DGKB: variants seen among roughly 807,000 people sequenced by gnomAD.
DGKB encodes the protein 90 kDa diacylglycerol kinase.
In DGKB, 67 loss-of-function variants were observed where a neutral mutation model predicts 114.3. The ratio of observed to expected loss-of-function variants is 0.59; its 90% CI spans 0.48 to 0.72. The LOEUF is 0.72. Among genes scored for constraint, DGKB ranks in the 30% least tolerant of loss-of-function variants. The probability of loss-of-function intolerance (pLI) is 0.00; values close to 1 mark genes in which losing one functional copy is unlikely to be tolerated. For missense variants in DGKB, 907 were observed against 975.2 expected, an observed-to-expected ratio of 0.93 and a Z score of 0.93; for synonymous variants, 398 against 323.1, an observed-to-expected ratio of 1.23 and a Z score of -2.49.
At chr7:14,255,740 T>C (rs1795872689) in intron 23 of DGKB, among the ~76,000 whole-genome samples, 1 of 63,196 alleles carries the variant, frequency 1.6e-5, no homozygotes, top group Non-Finnish European at 4.2e-5. Flanking sequence ...TTCTCATCTC[T>C]TTTTTTTTTT....
At position 14,709,431 on chromosome 7, in the gene DGKB, G is replaced by A. The variant is rs1211652726; in HGVS notation, c.467-7701C>T. On this transcript the variant is annotated intron_variant, in intron 6 of 25. Coordinates refer to ENST00000402815, the MANE Select transcript of DGKB (RefSeq NM_001350709.2). ...GGCGATTCCTCAGGGATCTAGAACT[G>A]GAAATACCATTTGACCCAGCCATCC... Among the ~76,000 whole-genome samples, 44 of 121,692 alleles carry A rather than the reference G, an allele frequency of 3.6e-4. No individual in the cohort carries two copies. The East Asian group carries it at 0.016, about 46-fold the overall frequency. 79.8% of individuals were successfully genotyped at this position (121,692 alleles called of 152,430 possible).
intron 25 of DGKB, among the ~76,000 whole-genome samples, chr7:14,150,715 T>C (rs1782063287): frequency 6.6e-6 from 1 of 152,066 alleles, no homozygotes; most frequent in African/African-American, 2.4e-5. Context: ...AGAATGCACT[T>C]AACTATGTAG....
At chr7:14,481,824 G>A (rs980367773) in intron 20 of DGKB, among the ~76,000 whole-genome samples, 13 of 151,766 alleles carry the variant, frequency 8.6e-5, no homozygotes, top group African/African-American at 3.1e-4. Flanking sequence ...GCTGGTTTTC[G>A]GTGCTGTATT....
At chr7:14,244,693 A>AG (rs1562724992) in intron 23 of DGKB, among the ~76,000 whole-genome samples, 26 of 138,230 alleles carry the variant, frequency 1.9e-4, no homozygotes, top group African/African-American at 5.6e-4. Flanking sequence ...AAAAAAAAAA[A>AG]GGGGTGCCTT....
chr7:14,264,223 C>A (rs1023108242), intron 23 of DGKB, among the ~76,000 whole-genome samples: 1 of 152,116 alleles, frequency 6.6e-6, no homozygotes, highest in African/African-American at 2.4e-5. Context: ...ATGACATATC[C>A]AGGTGAAGCA....
At chr7:14,193,999 G>A (rs931295874) in intron 23 of DGKB, among the ~76,000 whole-genome samples, 1 of 152,024 alleles carries the variant, frequency 6.6e-6, no homozygotes, top group African/African-American at 2.4e-5. Flanking sequence ...ACAACGAGAT[G>A]TTACTTCATT....
rs1362349381 is a variant in DGKB at position 14,279,015 on chromosome 7, T to G, written c.2122+59500A>C. On this transcript the variant is annotated intron_variant, in intron 23 of 25. Coordinates refer to ENST00000402815, the MANE Select transcript of DGKB (RefSeq NM_001350709.2). ...GTGCCAGACAGTGGGCGCAGGTCAG[T>G]GGGTGCACGCACCGTGAGCGAGCCG... is the stretch of plus-strand genomic sequence containing the variant. 3.9e-5 allele frequency among the ~76,000 whole-genome samples: 6 copies of G among 152,224 alleles called. No individual in the cohort carries two copies. The East Asian group carries it at 1.2e-3, about 30-fold the overall frequency.
At chr7:14,299,750 C>T (rs1026627309) in intron 23 of DGKB, among the ~76,000 whole-genome samples, 1 of 152,068 alleles carries the variant, frequency 6.6e-6, no homozygotes, top group East Asian at 1.9e-4. Context: ...ATGAGGAATG[C>T]TTTCACACCT....
intron 21 of DGKB, among the ~76,000 whole-genome samples, chr7:14,443,588 A>T (rs940436370): frequency 3.9e-5 from 6 of 152,024 alleles, no homozygotes; most frequent in Non-Finnish European, 5.9e-5. Flanking sequence ...TCTGACTTCT[A>T]TTGTCGATGT....
chr7:14,299,750 C>G (rs1026627309), intron 23 of DGKB, among the ~76,000 whole-genome samples: 2 of 152,068 alleles, frequency 1.3e-5, no homozygotes, highest in Non-Finnish European at 2.9e-5. Context: ...ATGAGGAATG[C>G]TTTCACACCT....
At chr7:14,393,175 G>A (rs1262772314) in intron 21 of DGKB, among the ~76,000 whole-genome samples, 1 of 151,566 alleles carries the variant, frequency 6.6e-6, no homozygotes, top group East Asian at 1.9e-4. Flanking sequence ...ATTTTTAGTA[G>A]AGACGGGGTT....
chr7:14,565,855 T>A (rs1348763356), intron 20 of DGKB, among the ~76,000 whole-genome samples: 1 of 152,140 alleles, frequency 6.6e-6, no homozygotes, highest in African/African-American at 2.4e-5. Flanking sequence ...CCAGAATGAT[T>A]TTTAATATAG....
chr7:14,693,494 G>A lies in DGKB; in HGVS notation c.711+581C>T, dbSNP rs563733561. ...ACTACTCCAAGAAAACTTTTGACAG[G>A]CGATAGAATAAGAACCTGGCTCCTG... On this transcript the variant is annotated intron_variant, in intron 9 of 25. Transcript: ENST00000402815. Among the ~76,000 whole-genome samples, 8 of 151,688 alleles carry A rather than the reference G, an allele frequency of 5.3e-5. No homozygotes were observed. In the South Asian group the frequency reaches 1.5e-3, roughly 28 times the overall value.
chr7:14,723,640 T>C (rs1408578610), intron 5 of DGKB, among the ~76,000 whole-genome samples: 4 of 152,016 alleles, frequency 2.6e-5, no homozygotes, highest in Non-Finnish European at 4.4e-5. Context: ...TAGTACAAAA[T>C]AAAGTGAAAA....
chr7:14,401,048 C>A (rs1036094626), intron 21 of DGKB, among the ~76,000 whole-genome samples: 70 of 151,828 alleles, frequency 4.6e-4, no homozygotes, highest in Non-Finnish European at 1.5e-5. Context: ...GCAGCCAACA[C>A]CTTGCATGAC....
intron 23 of DGKB, among the ~76,000 whole-genome samples, chr7:14,246,090 A>T (rs73069612): frequency 0.049 from 7,391 of 152,230 alleles, 255 homozygotes; most frequent in East Asian, 0.18. Context: ...AGGAGCCTTA[A>T]TAGGGGACAT....
At chr7:14,920,148 G>T (rs1784443828) in intron 1 of DGKB, among the ~76,000 whole-genome samples, 1 of 152,044 alleles carries the variant, frequency 6.6e-6, no homozygotes, top group African/African-American at 2.4e-5. Context: ...TACAAGAAAA[G>T]AAAAATGATA....
intron 1 of DGKB, among the ~76,000 whole-genome samples, chr7:14,964,724 G>C (rs956529176): frequency 3.9e-5 from 6 of 152,116 alleles, no homozygotes; most frequent in Non-Finnish European, 8.8e-5. Flanking sequence ...CAAGATTGAG[G>C]AGGAAATATT....
intron 23 of DGKB, among the ~76,000 whole-genome samples, chr7:14,286,867 A>G (rs1584943395): frequency 6.6e-6 from 1 of 152,196 alleles, no homozygotes; most frequent in East Asian, 1.9e-4. Flanking sequence ...AAATGTTTCA[A>G]TGGACAAAAA....
Sources: allele counts gnomAD v4.1 joint callset (sites outside exome capture counted in the v4.1 genomes callset), GRCh38; gene constraint gnomAD v4.1.1; transcripts MANE v1.5; gene names NCBI Gene and HGNC (gene_info 2026-07-23, HGNC 2026-07-21).